Variants in ELMOD2 observed in about 807,000 individuals in gnomAD.
The protein encoded by ELMOD2 is ELMO domain-containing protein 2.
In ELMOD2, 28 loss-of-function variants were observed where a neutral mutation model predicts 41.0. The ratio of observed to expected loss-of-function variants is 0.68; its 90% CI spans 0.51 to 0.94. ELMOD2 has a LOEUF of 0.94. Among genes scored for constraint, ELMOD2 ranks in the 40% least tolerant of loss-of-function variants. The pLI is 0.00. For synonymous variants in ELMOD2, 106 were observed against 107.2 expected (o/e 0.99, Z 0.07); for missense variants, 333 against 343.1 (o/e 0.97, Z 0.23).
rs1056975680 is a variant in ELMOD2 at position 140,535,914 on chromosome 4, G to C, written c.269+84G>C. On this transcript the variant is annotated intron_variant, in intron 4 of 8. Coordinates refer to ENST00000323570, the MANE Select transcript of ELMOD2 (RefSeq NM_153702.4). ...TATCACACACTGTTGTAACACTTTAGAGCTGAAGGGTTTGTGGAGATCATC... is the reference window on the plus strand; with the variant it reads ...TATCACACACTGTTGTAACACTTTACAGCTGAAGGGTTTGTGGAGATCATC... 2.3e-5 allele frequency: 29 copies of C among 1,242,352 alleles called. 2 individuals are homozygous for C. In the South Asian group the frequency reaches 4.3e-4, roughly 18 times the overall value. The allele number at this position is 1,242,352 out of a possible 1,614,324, so 77.0% of individuals were successfully genotyped here.
At chr4:140,547,247 A>G (rs915963854) in intron 8 of ELMOD2, among the ~76,000 whole-genome samples, 26 of 152,126 alleles carry the variant, frequency 1.7e-4, no homozygotes, top group Non-Finnish European at 3.1e-4. Context: ...TTGTTTCCCT[A>G]TGATCTGCCT....
intron 3 of ELMOD2, among the ~76,000 whole-genome samples, chr4:140,530,804 A>G (rs942510643): frequency 5.3e-5 from 8 of 152,068 alleles, no homozygotes; most frequent in Non-Finnish European, 1.0e-4. Context: ...TATTCCATTT[A>G]CTTTGTAGGG....
Position 140,535,807 on chromosome 4 carries a change from T to C in ELMOD2, c.246T>C (p.Asn82=), listed in dbSNP as rs760628401. 3.1e-6 allele frequency: 5 copies of C among 1,609,250 alleles called. No individual in the cohort carries two copies. In the African/African-American group the frequency reaches 5.4e-5, roughly 17 times the overall value. ...TAGATGATATTATGAAGGAAAAGAA[T>C]ATTAACCCTGAGAAGGATGCCAGGT... ...KYVDDIMKEK[N]INPEKDASFK... The change falls in exon 4 of 9, where the codon AAT becomes AAC. Residue 82 remains asparagine (N), a synonymous_variant. Coordinates refer to ENST00000323570, the MANE Select transcript of ELMOD2 (RefSeq NM_153702.4).
Position 140,543,426 on chromosome 4 carries a change from G to A in ELMOD2, c.603-27G>A, listed in dbSNP as rs73856651. 2.6e-4 allele frequency: 404 copies of A among 1,575,412 alleles called. 1 individual carries two copies. In the African/African-American group the frequency reaches 4.6e-3, roughly 18 times the overall value. On this transcript the variant is annotated intron_variant, in intron 7 of 8. Transcript: ENST00000323570. The stretch of plus-strand genomic sequence containing the variant: ...ATTTTATGAGTTATTTGGCTAGCTG[G>A]TATAACTGGTAATGTTTCTGACATA...
In ELMOD2 at chr4:140,551,455, CTG is replaced by C. The variant is rs1197677180; in HGVS notation, c.*1083_*1084del. ...AAATAGCTTGAAGATGACTTGATGA[CTG>C]TGCATTTTATATAGTTTTATTCTCC... On this transcript the variant is annotated 3_prime_UTR_variant, in exon 9 of 9. Coordinates refer to ENST00000323570, the MANE Select transcript of ELMOD2 (RefSeq NM_153702.4). The C allele has an allele frequency of 1.3e-5, 2 of 151,954 alleles. No homozygotes were observed. The highest frequency in any genetic ancestry group is 1.9e-4 in the East Asian group (1 of 5,186). 9.4% of individuals were successfully genotyped at this position (151,954 alleles called of 1,614,324 possible).
At position 140,552,856 on chromosome 4, in the gene ELMOD2, A is replaced by T. The variant is rs1212924235; in HGVS notation, c.*2481A>T. 6.6e-6 allele frequency: 1 copy of T among 152,108 alleles called. No homozygotes were observed. 9.4% of individuals were successfully genotyped at this position (152,108 alleles called of 1,614,324 possible). A position where few individuals can be genotyped will look rare whatever the true frequency, so the allele number is the denominator to read the frequency against. On this transcript the variant is annotated 3_prime_UTR_variant, in exon 9 of 9. Transcript: ENST00000323570. ...TAAAAAATTAACAGTTATGGTTTTAATAGGATCTGAAAGACAATCTTTAAA... is the reference window on the plus strand; with the variant it reads ...TAAAAAATTAACAGTTATGGTTTTATTAGGATCTGAAAGACAATCTTTAAA...
At chr4:140,541,495 A>G (rs1735103304) in intron 6 of ELMOD2, among the ~76,000 whole-genome samples, 1 of 152,162 alleles carries the variant, frequency 6.6e-6, no homozygotes, top group South Asian at 2.1e-4. Flanking sequence ...AAAATGAAAT[A>G]TAAATAGTCA....
At chr4:140,540,734 C>T (rs372005509) in intron 6 of ELMOD2, among the ~76,000 whole-genome samples, 2 of 95,726 alleles carry the variant, frequency 2.1e-5, no homozygotes, top group African/African-American at 6.5e-5. Flanking sequence ...CAGAGCAAGA[C>T]CCTGTCTTTA....
chr4:140,549,095 A>G (rs1735385043), intron 8 of ELMOD2, among the ~76,000 whole-genome samples: 1 of 152,108 alleles, frequency 6.6e-6, no homozygotes, highest in Non-Finnish European at 1.5e-5. Context: ...TTTTGTCACT[A>G]TAGATGAGTT....
chr4:140,524,632 G>A (rs936645739), intron 1 of ELMOD2: 2 of 985,348 alleles, frequency 2.0e-6, no homozygotes, highest in African/African-American at 3.5e-5. Flanking sequence ...TTCGAACTTC[G>A]ACAGTCCCTC....
intron 3 of ELMOD2, 148 bp from the exon 4 acceptor site, chr4:140,535,585 G>A: frequency 1.5e-6 from 1 of 649,538 alleles, no homozygotes; most frequent in Non-Finnish European, 2.7e-6. Context: ...TTTAGCCCTA[G>A]AGAAAATGTG....
chr4:140,535,893 A>G, intron 4 of ELMOD2, 63 bp downstream of exon 4: 1 of 1,426,806 alleles, frequency 7.0e-7, no homozygotes, highest in South Asian at 1.3e-5. Flanking sequence ...TATCAATATC[A>G]CACACTGTTG....
intron 8 of ELMOD2, among the ~76,000 whole-genome samples, chr4:140,545,384 C>A (rs1215639733): frequency 6.6e-6 from 1 of 152,130 alleles, no homozygotes; most frequent in Non-Finnish European, 1.5e-5. Context: ...TCATACTTTT[C>A]CTAAGTGGTA....
chr4:140,535,809 T>C lies in ELMOD2; in HGVS notation c.248T>C (p.Ile83Thr), dbSNP rs768498135. Reference protein sequence around the residue: ...YVDDIMKEKNINPEKDASFKI... With the variant: ...YVDDIMKEKNTNPEKDASFKI... ...GATGATATTATGAAGGAAAAGAATA[T>C]TAACCCTGAGAAGGATGCCAGGTGT... Residue 83 changes from isoleucine (I) to threonine (T), a missense_variant, in exon 4 of 9, where the codon ATT becomes ACT. Transcript: ENST00000323570. The C allele has an allele frequency of 3.7e-6, 6 of 1,608,976 alleles. No homozygotes were observed. Among genetic ancestry groups the C allele is most frequent in the Non-Finnish European group, 5.1e-6 (6 of 1,178,700 alleles).
chr4:140,541,082 G>A (rs552848188), intron 6 of ELMOD2, among the ~76,000 whole-genome samples: 3 of 152,110 alleles, frequency 2.0e-5, no homozygotes, highest in South Asian at 4.2e-4. Context: ...TACATGTATC[G>A]AAATCCCCAA....
intron 3 of ELMOD2, among the ~76,000 whole-genome samples, chr4:140,531,579 G>C (rs888220709): frequency 6.6e-6 from 1 of 152,134 alleles, no homozygotes; most frequent in Non-Finnish European, 1.5e-5. Flanking sequence ...CCGTCTTAGG[G>C]TTTAAATAAT....
intron 8 of ELMOD2, among the ~76,000 whole-genome samples, chr4:140,547,648 A>G (rs1427453853): frequency 6.6e-6 from 1 of 152,176 alleles, no homozygotes; most frequent in African/African-American, 2.4e-5. Context: ...ACTTAAATGG[A>G]TTTTAATGAG....
intron 3 of ELMOD2, among the ~76,000 whole-genome samples, chr4:140,531,702 C>T (rs1307775258): frequency 6.6e-6 from 1 of 152,224 alleles, no homozygotes; most frequent in African/African-American, 2.4e-5. Context: ...TTTTCCACTA[C>T]AGCCTATAGT....
chr4:140,536,859 G>C (rs2110850389), intron 4 of ELMOD2, among the ~76,000 whole-genome samples: 1 of 152,136 alleles, frequency 6.6e-6, no homozygotes, highest in East Asian at 1.9e-4. Context: ...GGATTGCTTT[G>C]AAGGACATTT....
Sources: gnomAD v4.1 joint callset for allele counts (sites outside exome capture counted in the v4.1 genomes callset) on GRCh38, gnomAD v4.1.1 for gene constraint, MANE v1.5 for transcripts, NCBI Gene and HGNC (gene_info 2026-07-23, HGNC 2026-07-21) for gene names.